Variants in MIR2052HG observed in about 807,000 individuals in gnomAD.
The protein encoded by MIR2052HG is MIR2052 host gene.
At chr8:74,623,381 G>A (rs1808391646) in intron 2 of MIR2052HG, among the ~76,000 whole-genome samples, 1 of 152,216 alleles carries the variant, frequency 6.6e-6, no homozygotes, top group Non-Finnish European at 1.5e-5. Context: ...GCAAGAAGGA[G>A]AACATGCAGT....
Position 74,755,419 on chromosome 8 carries a change from C to T in MIR2052HG, n.465-2692C>T, listed in dbSNP as rs938650190. Among the ~76,000 whole-genome samples, 6 of 152,124 alleles carry T rather than the reference C, an allele frequency of 3.9e-5. No homozygotes were observed. The East Asian group carries it at 1.2e-3, about 29-fold the overall frequency. ...TTGAGAAGATTTATTTGTTGCTGAC[C>T]ATATTAGCCATTGTAGTTAACATTG... On this transcript the variant is annotated intron_variant and non_coding_transcript_variant, in intron 5 of 6. Transcript: ENST00000523442.
intron 2 of MIR2052HG, among the ~76,000 whole-genome samples, chr8:74,632,126 C>G (rs886569469): frequency 7.2e-5 from 11 of 152,150 alleles, no homozygotes; most frequent in African/African-American, 2.4e-4. Flanking sequence ...ATCACAACAC[C>G]TCTATGAGGC....
At chr8:74,614,618 A>T (rs1808251012) in intron 2 of MIR2052HG, among the ~76,000 whole-genome samples, 1 of 151,936 alleles carries the variant, frequency 6.6e-6, no homozygotes, top group Non-Finnish European at 1.5e-5. Context: ...TCCCCTTATA[A>T]TATTTTCCTT....
intron 2 of MIR2052HG, among the ~76,000 whole-genome samples, chr8:74,680,892 G>T (rs1292284457): frequency 1.3e-5 from 2 of 151,458 alleles, no homozygotes; most frequent in Non-Finnish European, 2.9e-5. Flanking sequence ...CAGAAAAAAT[G>T]ATGAGTTCAT....
chr8:74,653,013 T>C (rs1290394318), intron 2 of MIR2052HG, among the ~76,000 whole-genome samples: 5 of 152,222 alleles, frequency 3.3e-5, no homozygotes, highest in Admixed American at 2.0e-4. Flanking sequence ...CATAGTGATA[T>C]TTATCCTTAC....
intron 2 of MIR2052HG, among the ~76,000 whole-genome samples, chr8:74,655,067 T>A (rs1171847586): frequency 6.6e-6 from 1 of 152,152 alleles, no homozygotes. Context: ...TTGTGGAACT[T>A]TGAGCTTGAG....
At chr8:74,625,886 T>C (rs1048249974) in intron 2 of MIR2052HG, among the ~76,000 whole-genome samples, 2 of 152,220 alleles carry the variant, frequency 1.3e-5, no homozygotes, top group Non-Finnish European at 2.9e-5. Context: ...CTGTAATTAT[T>C]ATGCATACAT....
chr8:74,683,587 T>C (rs1809147861), intron 2 of MIR2052HG, among the ~76,000 whole-genome samples: 1 of 152,140 alleles, frequency 6.6e-6, no homozygotes. Flanking sequence ...TAACCATCCA[T>C]GGAAGTAGAA....
chr8:74,637,900 T>C (rs1808599811), intron 2 of MIR2052HG, among the ~76,000 whole-genome samples: 1 of 152,212 alleles, frequency 6.6e-6, no homozygotes, highest in Non-Finnish European at 1.5e-5. Flanking sequence ...ATGGAATGCC[T>C]TCTATGTGCC....
At chr8:74,644,452 A>G (rs936446736) in intron 2 of MIR2052HG, among the ~76,000 whole-genome samples, 2 of 152,194 alleles carry the variant, frequency 1.3e-5, no homozygotes, top group African/African-American at 4.8e-5. Flanking sequence ...TACACCATCT[A>G]GGTTTGTGGA....
chr8:74,690,600 G>A (rs911229119), intron 2 of MIR2052HG, among the ~76,000 whole-genome samples: 1 of 151,852 alleles, frequency 6.6e-6, no homozygotes, highest in African/African-American at 2.4e-5. Flanking sequence ...GATCCGAGCC[G>A]AGATCGCACC....
At chr8:74,617,454 TGGG>T (rs1808299773) in intron 2 of MIR2052HG, among the ~76,000 whole-genome samples, 4 of 78,274 alleles carry the variant, frequency 5.1e-5, no homozygotes, top group Admixed American at 4.5e-4. Flanking sequence ...AGTATTCCAT[TGGG>T]TGTGTGTGTG....
intron 4 of MIR2052HG, among the ~76,000 whole-genome samples, chr8:74,752,186 A>G (rs1809953738): frequency 6.7e-6 from 1 of 149,710 alleles, no homozygotes; most frequent in Non-Finnish European, 1.5e-5. Flanking sequence ...AGGGGCTGAG[A>G]TGGGAGGATT....
At chr8:74,688,160 A>T (rs1255142858) in intron 2 of MIR2052HG, among the ~76,000 whole-genome samples, 6 of 152,216 alleles carry the variant, frequency 3.9e-5, no homozygotes, top group Non-Finnish European at 8.8e-5. Flanking sequence ...TTATAACAGA[A>T]TGAGATAGCA....
At chr8:74,715,719 C>G (rs1390839512) in intron 4 of MIR2052HG, among the ~76,000 whole-genome samples, 1 of 151,996 alleles carries the variant, frequency 6.6e-6, no homozygotes, top group Non-Finnish European at 1.5e-5. Context: ...TATTGCTTGC[C>G]AGGAACAAAT....
chr8:74,731,309 T>G (rs760995561), intron 4 of MIR2052HG, among the ~76,000 whole-genome samples: 4 of 152,218 alleles, frequency 2.6e-5, no homozygotes, highest in African/African-American at 4.8e-5. Flanking sequence ...TCTGTGGAAG[T>G]CAAATACATT....
At chr8:74,718,106 C>T (rs1260805678) in intron 4 of MIR2052HG, among the ~76,000 whole-genome samples, 2 of 152,238 alleles carry the variant, frequency 1.3e-5, no homozygotes, top group Non-Finnish European at 2.9e-5. Flanking sequence ...TTGCATATTA[C>T]TACAACAGGT....
At chr8:74,605,990 G>C (rs1428835297) in intron 1 of MIR2052HG, among the ~76,000 whole-genome samples, 1 of 152,174 alleles carries the variant, frequency 6.6e-6, no homozygotes, top group East Asian at 1.9e-4. Flanking sequence ...TGGCCCCGAA[G>C]AAGGGGCTAG....
chr8:74,650,290 T>C (rs541449810), intron 2 of MIR2052HG, among the ~76,000 whole-genome samples: 35 of 152,188 alleles, frequency 2.3e-4, no homozygotes, highest in Non-Finnish European at 3.8e-4. Flanking sequence ...ATACAGTATG[T>C]AGTCTTTTGT....
Sources: gnomAD v4.1 joint callset for allele counts (sites outside exome capture counted in the v4.1 genomes callset) on GRCh38, gnomAD v4.1.1 for gene constraint, MANE v1.5 for transcripts, NCBI Gene and HGNC (gene_info 2026-07-23, HGNC 2026-07-21) for gene names.